The following R3HDM2 variants were observed in gnomAD, a reference collection of about 807,000 sequenced individuals.
The protein encoded by R3HDM2 is R3H domain-containing protein 2.
In R3HDM2, 38 loss-of-function variants were observed where a neutral mutation model predicts 124.5. The ratio of observed to expected loss-of-function variants is 0.31; its 90% confidence interval spans 0.24 to 0.40. The LOEUF is 0.40. Among genes scored for constraint, R3HDM2 ranks in the 10% least tolerant of loss-of-function variants. The pLI is 1.00. For missense variants in R3HDM2, 869 were observed against 1,236.9 expected (o/e 0.70, Z 4.46); for synonymous variants, 391 against 448.0 (o/e 0.87, Z 1.61).
intron 1 of R3HDM2, among the ~76,000 whole-genome samples, chr12:57,421,598 C>A (rs2070206738): frequency 6.6e-6 from 1 of 151,820 alleles, no homozygotes; most frequent in Non-Finnish European, 1.5e-5. Flanking sequence ...GCCTTGATTC[C>A]CAGGTTTAGG....
intron 1 of R3HDM2, among the ~76,000 whole-genome samples, chr12:57,426,247 T>C (rs1216266059): frequency 6.6e-6 from 1 of 151,920 alleles, no homozygotes; most frequent in Admixed American, 6.6e-5. Flanking sequence ...AATTAATTAA[T>C]TAATTAAGGA....
chr12:57,295,701 T>G, intron 9 of R3HDM2, 194 bp from the exon 10 acceptor site: 7 of 544,848 alleles, frequency 1.3e-5, no homozygotes, highest in African/African-American at 3.8e-5. Context: ...ATAACTTCTC[T>G]TCCTCCATAG....
intron 1 of R3HDM2, among the ~76,000 whole-genome samples, chr12:57,414,506 A>C (rs2069365841): frequency 6.8e-6 from 1 of 147,182 alleles, no homozygotes; most frequent in Non-Finnish European, 1.5e-5. Flanking sequence ...AAAAAAAAAA[A>C]AAAACGAAAA....
intron 2 of R3HDM2, among the ~76,000 whole-genome samples, chr12:57,364,143 C>CTTTTTTTTTTTTTTTTTTT (rs11320875): frequency 1.2e-5 from 1 of 81,670 alleles, no homozygotes; most frequent in Non-Finnish European, 2.4e-5. Flanking sequence ...GACTCGGTGT[C>CTTTTTTTTTTTTTTTTTTT]TTTTTTTTTT....
chr12:57,430,447 T>C, intron 1 of R3HDM2: 1 of 903,796 alleles, frequency 1.1e-6, no homozygotes, highest in Non-Finnish European at 1.3e-6. Context: ...CGCAATAGTT[T>C]TTAGGTCACC....
At position 57,338,995 on chromosome 12, in the gene R3HDM2, A is replaced by G. The variant is rs140180978; in HGVS notation, c.-35-28532T>C. 1.3e-3 allele frequency among the ~76,000 whole-genome samples: 198 copies of G among 152,248 alleles called. 2 individuals carry two copies. Among genetic ancestry groups the G allele is most frequent in the African/African-American group, 4.5e-3 (188 of 41,560 alleles). Reference sequence around the variant, plus strand: ...CTCAAAACAACCCTAGGAAGTGGGTACTAATTATTGTCTTCGTTTTACAAA... The same window carrying G: ...CTCAAAACAACCCTAGGAAGTGGGTGCTAATTATTGTCTTCGTTTTACAAA... On this transcript the variant is annotated intron_variant, in intron 2 of 23. Coordinates refer to ENST00000402412, the MANE Select transcript of R3HDM2 (RefSeq NM_001394031.1).
At chr12:57,356,995 C>A (rs2061371236) in intron 2 of R3HDM2, among the ~76,000 whole-genome samples, 1 of 151,694 alleles carries the variant, frequency 6.6e-6, no homozygotes. Flanking sequence ...ACCAGCTACT[C>A]GGGAGGCTGA....
chr12:57,383,512 G>A (rs1189099161), intron 2 of R3HDM2, among the ~76,000 whole-genome samples: 1 of 151,722 alleles, frequency 6.6e-6, no homozygotes, highest in East Asian at 1.9e-4. Context: ...AGACCAGCCT[G>A]GCCAACATGG....
intron 1 of R3HDM2, among the ~76,000 whole-genome samples, chr12:57,427,931 CAT>C (rs1310367768): frequency 6.6e-6 from 1 of 151,646 alleles, no homozygotes. Context: ...GCCTGGCCAA[CAT>C]ATAGTGAAAC....
chr12:57,258,613 G>A lies in R3HDM2; in HGVS notation c.2301+277C>T, dbSNP rs139098492. ...GTCCTCCCAAAGTGCTGGGATTACC[G>A]GTGTGCGCCACCATGCCTGGCCCAT... is the stretch of plus-strand genomic sequence containing the variant. On this transcript the variant is annotated intron_variant, in intron 20 of 23. Coordinates refer to ENST00000402412, the MANE Select transcript of R3HDM2 (RefSeq NM_001394031.1). 2.0e-4 allele frequency among the ~76,000 whole-genome samples: 31 copies of A among 152,122 alleles called. No individual in the cohort carries two copies. In the East Asian group the frequency reaches 4.1e-3, roughly 20 times the overall value.
At chr12:57,354,866 C>T (rs892748264) in intron 2 of R3HDM2, among the ~76,000 whole-genome samples, 1 of 151,816 alleles carries the variant, frequency 6.6e-6, no homozygotes, top group African/African-American at 2.4e-5. Flanking sequence ...GCTCTATTTC[C>T]CAGGTTGGAA....
At chr12:57,386,340 C>T (rs999025306) in intron 2 of R3HDM2, among the ~76,000 whole-genome samples, 5 of 152,228 alleles carry the variant, frequency 3.3e-5, no homozygotes, top group African/African-American at 1.2e-4. Flanking sequence ...ACCGAGGCTG[C>T]CCATGGCGCT....
At chr12:57,288,161 A>G (rs980382259) in intron 12 of R3HDM2, among the ~76,000 whole-genome samples, 3 of 150,844 alleles carry the variant, frequency 2.0e-5, no homozygotes, top group Non-Finnish European at 4.4e-5. Context: ...ACCCACCACC[A>G]CGCCTGGCTA....
At chr12:57,389,398 C>T (rs909052631) in intron 2 of R3HDM2, among the ~76,000 whole-genome samples, 1 of 152,164 alleles carries the variant, frequency 6.6e-6, no homozygotes, top group East Asian at 1.9e-4. Context: ...TAGGAGATGA[C>T]TCCAAGAGCT....
chr12:57,320,802 G>A (rs545973045), intron 2 of R3HDM2, among the ~76,000 whole-genome samples: 1 of 152,166 alleles, frequency 6.6e-6, no homozygotes, highest in African/African-American at 2.4e-5. Flanking sequence ...TCTAGGCATT[G>A]AGCCAAAAGG....
intron 2 of R3HDM2, among the ~76,000 whole-genome samples, chr12:57,343,787 C>G (rs1456570429): frequency 9.3e-6 from 1 of 107,242 alleles, no homozygotes; most frequent in Non-Finnish European, 1.9e-5. Context: ...AAAAAAAAAA[C>G]AGGTTCTGGC....
intron 2 of R3HDM2, among the ~76,000 whole-genome samples, chr12:57,373,683 C>A (rs1005089417): frequency 1.3e-5 from 2 of 151,662 alleles, no homozygotes; most frequent in Non-Finnish European, 2.9e-5. Flanking sequence ...GTGGCGCATG[C>A]CTATTTGTAA....
chr12:57,348,707 AAAAAAAAAAAAAAAGAG>A (rs1326088677), intron 2 of R3HDM2, among the ~76,000 whole-genome samples: 7 of 45,802 alleles, frequency 1.5e-4, no homozygotes, highest in Non-Finnish European at 3.0e-4. Flanking sequence ...AAAAAAAAAA[AAAAAAAAAAAAAAAGAG>A]AGAGAAAAAT....
In R3HDM2 at chr12:57,305,701, C is replaced by CA. The variant is rs2052429080; in HGVS notation, c.166-2485dup. ...ACAGACAGACAATTACAATACAGTA[C>CA]ATTAAGTGTACTAGAGAGGTACTCA... On this transcript the variant is annotated intron_variant, in intron 3 of 23. Coordinates refer to ENST00000402412, the MANE Select transcript of R3HDM2 (RefSeq NM_001394031.1). 3.5e-5 allele frequency: 14 copies of CA among 398,814 alleles called. No individual in the cohort carries two copies. The East Asian group carries it at 4.3e-4, about 12-fold the overall frequency. The allele number at this position is 398,814 out of a possible 1,614,324, so 24.7% of individuals were successfully genotyped here.
Sources: allele counts gnomAD v4.1 joint callset (sites outside exome capture counted in the v4.1 genomes callset), GRCh38; gene constraint gnomAD v4.1.1; transcripts MANE v1.5; gene names NCBI Gene and HGNC (gene_info 2026-07-23, HGNC 2026-07-21).